CNTNAP5: variants seen among roughly 807,000 people sequenced by gnomAD.
The protein encoded by CNTNAP5 is contactin associated protein family member 5, also known as contactin-associated protein-like 5.
In CNTNAP5, 72 loss-of-function variants were observed where a neutral mutation model predicts 150.2. The ratio of observed to expected loss-of-function variants is 0.48; its 90% CI spans 0.40 to 0.58. CNTNAP5 has a LOEUF of 0.58. Ranked by LOEUF, CNTNAP5 falls within the 20% of genes least tolerant of loss-of-function variation. The probability of loss-of-function intolerance (pLI) is 0.00; values close to 1 mark genes in which losing one functional copy is unlikely to be tolerated. For missense variants in CNTNAP5, 1,636 were observed against 1,626.2 expected (o/e 1.01, Z -0.10); for synonymous variants, 672 against 619.8 (o/e 1.08, Z -1.25).
chr2:124,664,659 T>C (rs1678660493), intron 13 of CNTNAP5, among the ~76,000 whole-genome samples: 1 of 152,210 alleles, frequency 6.6e-6, no homozygotes, highest in Non-Finnish European at 1.5e-5. Flanking sequence ...ATGAAATACA[T>C]GCAATCCGCA....
At chr2:124,106,972 T>C (rs759568115) in intron 1 of CNTNAP5, among the ~76,000 whole-genome samples, 10 of 152,206 alleles carry the variant, frequency 6.6e-5, no homozygotes, top group Non-Finnish European at 1.0e-4. Context: ...CCCAGACATT[T>C]GGTGTCAGAA....
chr2:124,713,243 CTCTTTCTTT>C, intron 13 of CNTNAP5, among the ~76,000 whole-genome samples: 1 of 65,162 alleles, frequency 1.5e-5, no homozygotes, highest in African/African-American at 5.8e-5. Context: ...TTCTTTCTTT[CTCTTTCTTT>C]CTTTCTTTCT....
chr2:124,413,861 C>A (rs1288157823), intron 3 of CNTNAP5, among the ~76,000 whole-genome samples: 2 of 144,028 alleles, frequency 1.4e-5, no homozygotes, highest in Non-Finnish European at 3.0e-5. Context: ...TGCACATGTA[C>A]CCTAAAACTT....
chr2:124,731,515 A>G (rs1680270487), intron 13 of CNTNAP5, among the ~76,000 whole-genome samples: 2 of 152,004 alleles, frequency 1.3e-5, no homozygotes, highest in South Asian at 4.2e-4. Flanking sequence ...GGGAGATCAG[A>G]GGGAACAAGA....
intron 3 of CNTNAP5, among the ~76,000 whole-genome samples, chr2:124,412,086 C>CAG (rs1313652646): frequency 5.6e-4 from 69 of 124,232 alleles, no homozygotes; most frequent in Middle Eastern, 3.8e-3. Flanking sequence ...ACACCAATAA[C>CAG]AGACAAACAG....
intron 11 of CNTNAP5, among the ~76,000 whole-genome samples, chr2:124,590,174 T>C (rs940467819): frequency 1.3e-5 from 2 of 151,958 alleles, no homozygotes; most frequent in South Asian, 2.1e-4. Flanking sequence ...TCTAGAACCA[T>C]AAAAAAATAA....
chr2:124,353,719 A>G (rs147454073), intron 3 of CNTNAP5, among the ~76,000 whole-genome samples: 2 of 152,356 alleles, frequency 1.3e-5, no homozygotes, highest in African/African-American at 4.8e-5. Flanking sequence ...GAAAGAATCC[A>G]GAAGTGGAAC....
intron 3 of CNTNAP5, among the ~76,000 whole-genome samples, chr2:124,303,012 A>G (rs1688602438): frequency 6.6e-6 from 1 of 152,140 alleles, no homozygotes; most frequent in Non-Finnish European, 1.5e-5. Flanking sequence ...TGCCTACATA[A>G]AGGGACAAAC....
intron 1 of CNTNAP5, among the ~76,000 whole-genome samples, chr2:124,169,223 A>G (rs1052288173): frequency 2.0e-5 from 3 of 151,868 alleles, no homozygotes; most frequent in Admixed American, 6.6e-5. Context: ...TTTTCTTTTC[A>G]TATCTCTTGT....
At chr2:124,126,716 C>T (rs1683712495) in intron 1 of CNTNAP5, among the ~76,000 whole-genome samples, 1 of 152,210 alleles carries the variant, frequency 6.6e-6, no homozygotes, top group African/African-American at 2.4e-5. Flanking sequence ...CCACCATGAT[C>T]AAGTTGGCCT....
chr2:124,715,564 C>A (rs546224457), intron 13 of CNTNAP5, among the ~76,000 whole-genome samples: 23 of 152,016 alleles, frequency 1.5e-4, no homozygotes, highest in Non-Finnish European at 2.8e-4. Flanking sequence ...GCACAATGTG[C>A]AGGTTTGTTA....
At chr2:124,161,287 T>C (rs1290483551) in intron 1 of CNTNAP5, among the ~76,000 whole-genome samples, 1 of 152,184 alleles carries the variant, frequency 6.6e-6, no homozygotes, top group Admixed American at 6.6e-5. Flanking sequence ...GAAAACTTGG[T>C]CTTCATGACT....
intron 1 of CNTNAP5, among the ~76,000 whole-genome samples, chr2:124,083,686 T>A (rs914042748): frequency 1.3e-5 from 2 of 152,132 alleles, no homozygotes; most frequent in Non-Finnish European, 2.9e-5. Flanking sequence ...TCTACCACGT[T>A]CACAGTCTTG....
rs757054323 is a variant in CNTNAP5, at chr2:124,764,163, T to C, written c.2533+16T>C. 6.2e-6 allele frequency: 10 copies of C among 1,603,772 alleles called. No homozygotes were observed. The highest frequency in any genetic ancestry group is 8.5e-6 in the Non-Finnish European group (10 of 1,171,848). Reference sequence around the variant, plus strand: ...GAAATAAGCTGTAAGTGCCCTCAATTATGAATTTAATGTAACTGATCAACA... The same window carrying C: ...GAAATAAGCTGTAAGTGCCCTCAATCATGAATTTAATGTAACTGATCAACA... On this transcript the variant is annotated intron_variant, in intron 16 of 23. Coordinates refer to ENST00000682447, the MANE Select transcript of CNTNAP5 (RefSeq NM_001367498.1).
chr2:124,248,269 C>T (rs1265473286), intron 3 of CNTNAP5, among the ~76,000 whole-genome samples: 1 of 152,188 alleles, frequency 6.6e-6, no homozygotes, highest in Non-Finnish European at 1.5e-5. Flanking sequence ...AGGCCCATTG[C>T]ATCCATTCCT....
chr2:124,028,353 T>A (rs1680955303), intron 1 of CNTNAP5, among the ~76,000 whole-genome samples: 1 of 151,984 alleles, frequency 6.6e-6, no homozygotes, highest in South Asian at 2.1e-4. Flanking sequence ...TTTCTCATAA[T>A]CTGACCGAAA....
At chr2:124,835,165 G>A (rs762053721) in intron 19 of CNTNAP5, among the ~76,000 whole-genome samples, 11 of 152,018 alleles carry the variant, frequency 7.2e-5, no homozygotes, top group African/African-American at 1.9e-4. Context: ...TAATAATATC[G>A]TGTAATATTT....
chr2:124,865,075 C>CCACACA (rs149351221), intron 19 of CNTNAP5, among the ~76,000 whole-genome samples: 1 of 149,616 alleles, frequency 6.7e-6, no homozygotes, highest in Non-Finnish European at 1.5e-5. Flanking sequence ...TGTGATAACA[C>CCACACA]CACACACACA....
chr2:124,679,407 T>G (rs1679015591), intron 13 of CNTNAP5, among the ~76,000 whole-genome samples: 1 of 151,854 alleles, frequency 6.6e-6, no homozygotes, highest in Non-Finnish European at 1.5e-5. Flanking sequence ...TGAAGGACTT[T>G]GACATTTATA....
Sources: gnomAD v4.1 joint callset for allele counts (sites outside exome capture counted in the v4.1 genomes callset) on GRCh38, gnomAD v4.1.1 for gene constraint, MANE v1.5 for transcripts, NCBI Gene and HGNC (gene_info 2026-07-23, HGNC 2026-07-21) for gene names.